NDC80: variants seen among roughly 807,000 people sequenced by gnomAD.
The protein encoded by NDC80 is NDC80 kinetochore complex component, also known as kinetochore protein NDC80 homolog.
Under a neutral mutation model 89.3 loss-of-function variants are expected in NDC80, and 69 were observed. The observed-to-expected ratio is 0.77, with a 90% CI of 0.64 to 0.94. NDC80 has a LOEUF of 0.94. NDC80 is among the 40% of genes least tolerant of loss of function. The pLI is 0.00. For missense variants in NDC80, 593 were observed against 739.6 expected, an observed-to-expected ratio of 0.80 and a Z score of 2.30; for synonymous variants, 243 against 255.6, an observed-to-expected ratio of 0.95 and a Z score of 0.47.
At chr18:2,607,971 A>ATATATATATATATG (rs1372463729) in intron 14 of NDC80, among the ~76,000 whole-genome samples, 10 of 102,236 alleles carry the variant, frequency 9.8e-5, no homozygotes, top group Non-Finnish European at 1.9e-4. Flanking sequence ...CATAGTATAT[A>ATATATATATATATG]TATATATATA....
At chr18:2,613,633 C>G (rs2072756589) in intron 16 of NDC80, among the ~76,000 whole-genome samples, 1 of 152,188 alleles carries the variant, frequency 6.6e-6, no homozygotes, top group Non-Finnish European at 1.5e-5. Context: ...ACTTTTTTAA[C>G]TTTTACGAGA....
In NDC80 at chr18:2,599,076, A is replaced by G; in HGVS notation, c.1279A>G (p.Lys427Glu). The G allele has an allele frequency of 6.2e-7, 1 of 1,612,196 alleles. No individual in the cohort carries two copies. The highest frequency in any genetic ancestry group is 8.5e-7 in the Non-Finnish European group (1 of 1,179,120). ...GGCTAGAAAATTAAAACTTATTCCT[A>G]AAGGTGCTGAGAATTCCAAAGGTTA... ...KLARKLKLIP[K>E]GAENSKGYDF... The change falls in exon 12 of 17, where the codon AAA becomes GAA. Residue 427 changes from lysine to glutamate, a missense_variant. Transcript: ENST00000261597.
chr18:2,583,662 C>T (rs552268480), intron 6 of NDC80, among the ~76,000 whole-genome samples: 53 of 149,936 alleles, frequency 3.5e-4, no homozygotes, highest in African/African-American at 1.3e-3. Context: ...TCAGCCACTG[C>T]ACTCCAGCCT....
chr18:2,603,356 C>CATATATATATATATATATATAT (rs60997707), intron 13 of NDC80, among the ~76,000 whole-genome samples: 1,831 of 120,094 alleles, frequency 0.015, 43 homozygotes, highest in South Asian at 0.025. Context: ...TATGTTTATA[C>CATATATATATATATATATATAT]ATATATATAT....
intron 6 of NDC80, 129 bp downstream of exon 6, chr18:2,579,158 A>G (rs780017691): frequency 6.3e-6 from 3 of 473,858 alleles, no homozygotes; most frequent in Non-Finnish European, 7.0e-6. Context: ...TTCAAAGCAC[A>G]TTTGATTTTA....
At chr18:2,599,332 T>TA (rs918364420) in intron 12 of NDC80, among the ~76,000 whole-genome samples, 161 bp downstream of exon 12, 4 of 151,922 alleles carry the variant, frequency 2.6e-5, no homozygotes, top group African/African-American at 7.2e-5. Context: ...TACTATCCAG[T>TA]AAAAAAAATT....
intron 1 of NDC80, among the ~76,000 whole-genome samples, chr18:2,572,422 T>C (rs1274219076): frequency 6.6e-6 from 1 of 152,200 alleles, no homozygotes; most frequent in African/African-American, 2.4e-5. Flanking sequence ...GGATGATTTA[T>C]CCTTGTTGAA....
chr18:2,605,300 GTGTGTGTGT>G (rs1568010271), intron 13 of NDC80, among the ~76,000 whole-genome samples: 1,682 of 149,914 alleles, frequency 0.011, 37 homozygotes, highest in African/African-American at 0.039. Flanking sequence ...GTGTGTGTGT[GTGTGTGTGT>G]GTGTGTGTGT....
chr18:2,578,948 A>G lies in NDC80; in HGVS notation c.498A>G (p.Lys166=). Residue 166 remains lysine, a synonymous_variant, in exon 6 of 17, where the codon AAA becomes AAG. Coordinates refer to ENST00000261597, the MANE Select transcript of NDC80 (RefSeq NM_006101.3). ...ATAGGTATCCTTTTGCACTATCCAA[A>G]AGCTCCATGTACACAGTGGGGGCTC... The part of the protein sequence containing the change: ...KDLGYPFALS[K]SSMYTVGAPH... The G allele has an allele frequency of 6.5e-7, 1 of 1,547,472 alleles. No individual in the cohort carries two copies. The highest frequency in any genetic ancestry group is 8.7e-7 in the Non-Finnish European group (1 of 1,148,658).
intron 13 of NDC80, among the ~76,000 whole-genome samples, chr18:2,602,939 A>T (rs1236685388): frequency 1.3e-5 from 2 of 152,174 alleles, no homozygotes; most frequent in East Asian, 3.8e-4. Context: ...GAACCCAAGG[A>T]TTTCATGGCT....
chr18:2,616,088 C>T lies in NDC80; in HGVS notation c.1792-349C>T, dbSNP rs1015427698. Reference sequence around the variant, plus strand: ...TGACACAGGCTGGAGTGCAGTGGTCCAATCTTGGCTCACTGCAACCTCCAC... The same window carrying T: ...TGACACAGGCTGGAGTGCAGTGGTCTAATCTTGGCTCACTGCAACCTCCAC... On this transcript the variant is annotated intron_variant, in intron 16 of 16. Coordinates refer to ENST00000261597, the MANE Select transcript of NDC80 (RefSeq NM_006101.3). Among the ~76,000 whole-genome samples, 20 of 151,988 alleles carry T rather than the reference C, an allele frequency of 1.3e-4. 1 individual carries two copies.
At chr18:2,576,087 A>G (rs1242585268) in intron 3 of NDC80, among the ~76,000 whole-genome samples, 1 of 152,186 alleles carries the variant, frequency 6.6e-6, no homozygotes, top group Non-Finnish European at 1.5e-5. Flanking sequence ...CAACAGAGAA[A>G]CACCCTGTCT....
chr18:2,601,336 CA>C, intron 12 of NDC80, 59 bp from the exon 13 acceptor site: 2 of 765,676 alleles, frequency 2.6e-6, no homozygotes, highest in South Asian at 2.5e-5. Flanking sequence ...GTAGATGCTT[CA>C]GGAGGGATAT....
chr18:2,572,959 C>A lies in NDC80; in HGVS notation c.-9-18C>A. The A allele has an allele frequency of 6.3e-7, 1 of 1,593,888 alleles. No homozygotes were observed. The highest frequency in any genetic ancestry group is 1.8e-5 in the Admixed American group (1 of 55,388). Reference sequence around the variant, plus strand: ...CTGTCTGGAAAGTTTTTTTTAAATACTGAATTCGTGAATGTAGGTCATAAG... The same window carrying A: ...CTGTCTGGAAAGTTTTTTTTAAATAATGAATTCGTGAATGTAGGTCATAAG... On this transcript the variant is annotated intron_variant, in intron 1 of 16. Coordinates refer to ENST00000261597, the MANE Select transcript of NDC80 (RefSeq NM_006101.3).
rs748864182 is a variant in NDC80, at chr18:2,590,153, G to A, written c.1006G>A (p.Ala336Thr). 8 of 1,597,770 alleles carry A rather than the reference G, an allele frequency of 5.0e-6. No individual in the cohort carries two copies. In the African/African-American group the frequency reaches 6.8e-5, roughly 13 times the overall value. ...ATTAAATGGTCTCAATGAGGAAATTGCTAGAGTAGGTAAGCAGAGCTAATG... is the reference window on the plus strand; with the variant it reads ...ATTAAATGGTCTCAATGAGGAAATTACTAGAGTAGGTAAGCAGAGCTAATG... The part of the protein sequence containing the change: ...QKLNGLNEEI[A>T]RVELECETIK... Residue 336 changes from alanine (A) to threonine (T), a missense_variant, in exon 10 of 17, where the codon GCT (alanine) becomes ACT (threonine). Ala to Thr is a moderately conservative substitution (Grantham distance 58). Coordinates refer to ENST00000261597, the MANE Select transcript of NDC80 (RefSeq NM_006101.3).
At chr18:2,614,217 T>C (rs2072759486) in intron 16 of NDC80, among the ~76,000 whole-genome samples, 1 of 152,072 alleles carries the variant, frequency 6.6e-6, no homozygotes, top group African/African-American at 2.4e-5. Context: ...GGCTGGCGGA[T>C]CACAAGGTCA....
At chr18:2,601,331 T>C in intron 12 of NDC80, 65 bp from the exon 13 acceptor site, 2 of 679,784 alleles carry the variant, frequency 2.9e-6, no homozygotes, top group Middle Eastern at 2.9e-4. Flanking sequence ...AGTGTGTAGA[T>C]GCTTCAGGAG....
intron 3 of NDC80, among the ~76,000 whole-genome samples, chr18:2,576,686 G>A (rs2072547718): frequency 6.6e-6 from 1 of 152,182 alleles, no homozygotes; most frequent in Admixed American, 6.5e-5. Context: ...TTTGGGGGAT[G>A]ATAGAAATGC....
At chr18:2,604,434 G>C (rs1234770186) in intron 13 of NDC80, among the ~76,000 whole-genome samples, 1 of 152,242 alleles carries the variant, frequency 6.6e-6, no homozygotes, top group African/African-American at 2.4e-5. Flanking sequence ...TGTAATCCTA[G>C]CACTTTGGGA....
Sources: gnomAD v4.1 joint callset for allele counts (sites outside exome capture counted in the v4.1 genomes callset) on GRCh38, gnomAD v4.1.1 for gene constraint, MANE v1.5 for transcripts, NCBI Gene and HGNC (gene_info 2026-07-23, HGNC 2026-07-21) for gene names.